LAMA4: variants seen among roughly 807,000 people sequenced by gnomAD.
LAMA4 encodes laminin subunit alpha-4.
Under a neutral mutation model 207.1 loss-of-function variants are expected in LAMA4, and 127 were observed. That is an observed-to-expected ratio of 0.61 (90% CI 0.53 to 0.71). LAMA4 has a LOEUF of 0.71. Among genes scored for constraint, LAMA4 ranks in the 30% least tolerant of loss-of-function variants. The probability of loss-of-function intolerance (pLI) is 0.00; values close to 1 mark genes in which losing one functional copy is unlikely to be tolerated. For synonymous variants in LAMA4, 761 were observed against 816.0 expected (o/e 0.93, Z 1.15); for missense variants, 2,093 against 2,246.5 (o/e 0.93, Z 1.38).
intron 20 of LAMA4, 64 bp from the exon 21 acceptor site, chr6:112,141,567 T>A (rs1779697234): frequency 7.8e-7 from 1 of 1,274,022 alleles, no homozygotes; most frequent in Non-Finnish European, 1.1e-6. Context: ...TCATCTTTTT[T>A]AAAGGACAAT....
At chr6:112,149,191 C>T (rs1372074352) in intron 17 of LAMA4, among the ~76,000 whole-genome samples, 1 of 151,128 alleles carries the variant, frequency 6.6e-6, no homozygotes, top group African/African-American at 2.4e-5. Flanking sequence ...TTCATTTAGC[C>T]TCACATATTC....
chr6:112,111,705 G>A (rs587595216), intron 38 of LAMA4, among the ~76,000 whole-genome samples: 1 of 152,330 alleles, frequency 6.6e-6, no homozygotes, highest in East Asian at 1.9e-4. Flanking sequence ...CAGTGGGCTG[G>A]TGGTTACGCC....
intron 4 of LAMA4, 94 bp from the exon 5 acceptor site, chr6:112,201,782 T>A: frequency 9.8e-7 from 1 of 1,020,838 alleles, no homozygotes; most frequent in Non-Finnish European, 1.5e-6. Flanking sequence ...TTGGTCCCAT[T>A]AAAGTTCTAA....
intron 2 of LAMA4, among the ~76,000 whole-genome samples, chr6:112,216,922 A>T (rs1312845863): frequency 6.6e-6 from 1 of 152,244 alleles, no homozygotes; most frequent in Non-Finnish European, 1.5e-5. Context: ...AGAGCAACTT[A>T]GCTATAGGAT....
chr6:112,217,327 A>G (rs1450932727), intron 2 of LAMA4, among the ~76,000 whole-genome samples: 1 of 152,194 alleles, frequency 6.6e-6, no homozygotes, highest in Non-Finnish European at 1.5e-5. Flanking sequence ...TGTCTCAGTG[A>G]TGAAGGGCAG....
chr6:112,252,679 A>G (rs1177570260), intron 2 of LAMA4, among the ~76,000 whole-genome samples: 12 of 152,120 alleles, frequency 7.9e-5, no homozygotes, highest in African/African-American at 2.7e-4. Flanking sequence ...TCATTCAGGG[A>G]CTTTACGTGC....
rs188317379 is a variant in LAMA4 at position 112,111,286 on chromosome 6, C to T, written c.5327-1704G>A. ...TTCCACCTCCTGAGCTCAAGTGATC[C>T]ACCCACCTTGGCCTCCCAAAGTGCT... On this transcript the variant is annotated intron_variant, in intron 38 of 38. Transcript: ENST00000230538. Among the ~76,000 whole-genome samples the T allele has an allele frequency of 3.3e-5, 5 of 152,292 alleles. No homozygotes were observed. The East Asian group carries it at 5.8e-4, about 18-fold the overall frequency.
chr6:112,131,182 A>AT (rs1240358401), intron 28 of LAMA4, 81 bp from the exon 29 acceptor site: 1 of 1,352,162 alleles, frequency 7.4e-7, no homozygotes. Flanking sequence ...ACTGAATGGT[A>AT]TTGCTTAAAG....
At chr6:112,204,788 C>G in intron 4 of LAMA4, among the ~76,000 whole-genome samples, 1 of 152,212 alleles carries the variant, frequency 6.6e-6, no homozygotes, top group Middle Eastern at 3.2e-3. Flanking sequence ...TCTACCCTCA[C>G]TGTGAGTACC....
chr6:112,111,549 T>C (rs1358777830), intron 38 of LAMA4, among the ~76,000 whole-genome samples: 1 of 152,238 alleles, frequency 6.6e-6, no homozygotes, highest in Non-Finnish European at 1.5e-5. Context: ...ATCCTCTTAA[T>C]GCCTGGTTTC....
At position 112,254,129 on chromosome 6, in the gene LAMA4, G is replaced by A. The variant is rs149430073; in HGVS notation, c.22C>T (p.Arg8Cys). 2.1e-5 allele frequency: 34 copies of A among 1,612,836 alleles called. No homozygotes were observed. The highest frequency in any genetic ancestry group is 1.7e-4 in the Middle Eastern group (1 of 6,048). Residue 8 changes from arginine (R) to cysteine (C), a missense_variant, in exon 2 of 39, where the codon CGC (arginine) becomes TGC (cysteine). Coordinates refer to ENST00000230538, the MANE Select transcript of LAMA4 (RefSeq NM_001105206.3). MALSSAWRSVLPLWLLWS... is the reference protein window; with the variant it reads MALSSAWCSVLPLWLLWS... ...AGGAGCCACAGAGGCAGAACCGAGCGCCAGGCTGAGCTCAAAGCCATTTCT... is the reference window on the plus strand; with the variant it reads ...AGGAGCCACAGAGGCAGAACCGAGCACCAGGCTGAGCTCAAAGCCATTTCT...
At chr6:112,185,985 A>G (rs765403219) in intron 8 of LAMA4, among the ~76,000 whole-genome samples, 15 of 152,214 alleles carry the variant, frequency 9.9e-5, no homozygotes, top group Non-Finnish European at 1.8e-4. Flanking sequence ...CCTGGGGGGT[A>G]GTGTCTTCAT....
Position 112,252,627 on chromosome 6 carries a change from C to T in LAMA4, c.195+1329G>A, listed in dbSNP as rs1373233378. Reference sequence around the variant, plus strand: ...CTGAAATTCACATTTGAGTGTCCTGCAATTTATCTGCCAATTTTACTCTTA... The same window carrying T: ...CTGAAATTCACATTTGAGTGTCCTGTAATTTATCTGCCAATTTTACTCTTA... On this transcript the variant is annotated intron_variant, in intron 2 of 38. Transcript: ENST00000230538. 3.9e-5 allele frequency among the ~76,000 whole-genome samples: 6 copies of T among 152,256 alleles called. No homozygotes were observed. The East Asian group carries it at 1.2e-3, about 29-fold the overall frequency.
Position 112,172,603 on chromosome 6 carries a change from C to T in LAMA4, c.1551+8G>A, listed in dbSNP as rs782128294. ...CTGAAATGCATTGATGGTGAGTGTC[C>T]GCTGTACCTCATGGTCCCGCTGCCT... On this transcript the variant is annotated splice_region_variant and intron_variant, in intron 12 of 38. Transcript: ENST00000230538. 118 of 1,612,018 alleles carry T rather than the reference C, an allele frequency of 7.3e-5. No homozygotes were observed. In the Admixed American group the frequency reaches 1.6e-3, roughly 22 times the overall value.
In LAMA4 at chr6:112,118,163, G is replaced by C. The variant is rs782791970; in HGVS notation, c.4822-265C>G. Among the ~76,000 whole-genome samples the C allele has an allele frequency of 2.0e-5, 3 of 152,188 alleles. No homozygotes were observed. Among genetic ancestry groups the C allele is most frequent in the Non-Finnish European group, 4.4e-5 (3 of 68,028 alleles). Reference sequence around the variant, plus strand: ...CACTTTGACACAATAAGTTGCAGCTGTGGTTTTCAAACTGCATATTTAGAA... The same window carrying C: ...CACTTTGACACAATAAGTTGCAGCTCTGGTTTTCAAACTGCATATTTAGAA... On this transcript the variant is annotated intron_variant, in intron 34 of 38. Transcript: ENST00000230538. This position sits in a 1 kb window ranked among gnomAD's most constrained non-coding sequence, Gnocchi z 4.6.
chr6:112,135,735 T>A (rs1393569232), intron 25 of LAMA4: 2 of 196,968 alleles, frequency 1.0e-5, no homozygotes, highest in African/African-American at 4.8e-5. Flanking sequence ...CTTATATGTA[T>A]TCTTGTTAAA....
chr6:112,204,007 C>T (rs1783912406), intron 4 of LAMA4, among the ~76,000 whole-genome samples: 1 of 152,152 alleles, frequency 6.6e-6, no homozygotes, highest in Admixed American at 6.5e-5. Context: ...AAAGGAGACT[C>T]ATTCCACAGT....
chr6:112,236,086 G>A (rs1785899509), intron 2 of LAMA4: 1 of 152,204 alleles, frequency 6.6e-6, no homozygotes, highest in East Asian at 1.9e-4. Context: ...TCCCTGCTCT[G>A]TGATGCAGTA....
At chr6:112,124,080 A>G (rs1226063054) in intron 31 of LAMA4, among the ~76,000 whole-genome samples, 1 of 152,166 alleles carries the variant, frequency 6.6e-6, no homozygotes, top group Non-Finnish European at 1.5e-5. Context: ...AATACACTTT[A>G]TGATAGGAGA....
Sources: gnomAD v4.1 joint callset for allele counts (sites outside exome capture counted in the v4.1 genomes callset) on GRCh38, gnomAD v4.1.1 for gene constraint, Gnocchi (gnomAD v3.1) non-coding constraint, MANE v1.5 for transcripts, NCBI Gene and HGNC (gene_info 2026-07-23, HGNC 2026-07-21) for gene names.